NLRP2: variants seen among roughly 807,000 people sequenced by gnomAD.
NLRP2 encodes NACHT, LRR and PYD domains-containing protein 2.
In NLRP2, 107 loss-of-function variants were observed where a neutral mutation model predicts 97.2. The observed-to-expected ratio is 1.10, with a 90% CI of 0.94 to 1.29. NLRP2 has a LOEUF of 1.29. Among genes scored for constraint, NLRP2 ranks in the 50% most tolerant of loss-of-function variants. The probability of loss-of-function intolerance (pLI) is 0.00; values close to 1 mark genes in which losing one functional copy is unlikely to be tolerated. For missense variants in NLRP2, 1,495 were observed against 1,330.3 expected, an observed-to-expected ratio of 1.12 and a Z score of -1.93; for synonymous variants, 663 against 551.5, an observed-to-expected ratio of 1.20 and a Z score of -2.83.
At chr19:54,970,364 C>A (rs1191160507) in intron 2 of NLRP2, 69 bp downstream of exon 2, 1 of 1,586,830 alleles carries the variant, frequency 6.3e-7, no homozygotes, top group East Asian at 2.2e-5. Flanking sequence ...TTTAGAAATT[C>A]AGAAGGCCAG....
In NLRP2 at chr19:54,966,452, G is replaced by A. The variant is rs2070414187; in HGVS notation, c.-33G>A. The A allele has an allele frequency of 6.6e-6, 1 of 152,108 alleles. No homozygotes were observed. Among genetic ancestry groups the A allele is most frequent in the Admixed American group, 6.6e-5 (1 of 15,228 alleles). 9.4% of individuals were successfully genotyped at this position (152,108 alleles called of 1,614,324 possible). On this transcript the variant is annotated 5_prime_UTR_variant, in exon 1 of 13. Transcript: ENST00000448584. ...AGCCCTCATCTCCGCCGGCGAGTAG[G>A]GCCAGGTGTTGGGAGGTGAGTAGCT...
intron 3 of NLRP2, among the ~76,000 whole-genome samples, chr19:54,976,140 C>G (rs1371561952): frequency 6.6e-6 from 1 of 151,808 alleles, no homozygotes; most frequent in Non-Finnish European, 1.5e-5. Context: ...CCTCTGACCT[C>G]CGCCTCCCGG....
chr19:54,975,703 C>A (rs542625431), intron 3 of NLRP2, among the ~76,000 whole-genome samples: 1 of 152,134 alleles, frequency 6.6e-6, no homozygotes, highest in South Asian at 2.1e-4. Flanking sequence ...CCGCCCGCCT[C>A]GGCCTCCCAA....
At chr19:54,966,316 C>G (rs1478757940), upstream of NLRP2, 2 of 151,722 alleles carry the variant, frequency 1.3e-5, no homozygotes, top group Admixed American at 1.3e-4. Flanking sequence ...CCCAAAAGAC[C>G]TCTCAGTAAT....
At chr19:54,999,156 C>T (rs1378489711) in intron 12 of NLRP2, among the ~76,000 whole-genome samples, 1 of 152,224 alleles carries the variant, frequency 6.6e-6, no homozygotes. Flanking sequence ...ACCCCCCCAC[C>T]TCCCCGCCCG....
intron 8 of NLRP2, among the ~76,000 whole-genome samples, chr19:54,987,551 G>A (rs753413348): frequency 1.3e-5 from 2 of 152,134 alleles, no homozygotes; most frequent in African/African-American, 4.8e-5. Context: ...AGACCGGCCT[G>A]GTCAACATGG....
Position 55,000,780 on chromosome 19 carries a change from A to G in NLRP2, c.3071A>G (p.Asn1024Ser). ...RTLRLKIDDF[N>S]DELNKLLEEI... ...CCCAGGTTGAAAATCGATGACTTTA[A>G]TGATGAACTCAATAAGCTGCTGGAA... Residue 1024 changes from asparagine to serine, a missense_variant, in exon 13 of 13, where the codon AAT becomes AGT. By Grantham distance (46) the Asn-to-Ser change is conservative. Transcript: ENST00000448584. 7 of 1,613,714 alleles carry G rather than the reference A, an allele frequency of 4.3e-6. No individual in the cohort carries two copies. The highest frequency in any genetic ancestry group is 5.9e-6 in the Non-Finnish European group (7 of 1,179,694).
chr19:54,984,938 C>T, intron 6 of NLRP2, 109 bp from the exon 7 acceptor site: 5 of 1,018,354 alleles, frequency 4.9e-6, no homozygotes, highest in South Asian at 3.8e-5. Flanking sequence ...TTACATGGTC[C>T]AGCTTTCAAT....
chr19:54,994,337 G>T lies in NLRP2; in HGVS notation c.2777G>T (p.Ser926Ile), dbSNP rs1317008433. 2 of 1,614,176 alleles carry T rather than the reference G, an allele frequency of 1.2e-6. No homozygotes were observed. Among genetic ancestry groups the T allele is most frequent in the East Asian group, 2.2e-5 (1 of 44,880 alleles). ...ACAAAGCTTCTCCAAGAAAAATCAAGCCTGTTGTGTTTGGATCTGGGGCTG... is the reference window on the plus strand; with the variant it reads ...ACAAAGCTTCTCCAAGAAAAATCAATCCTGTTGTGTTTGGATCTGGGGCTG... ...DLTKLLQEKS[S>I]LLCLDLGLNH... The change falls in exon 11 of 13, where the codon AGC becomes ATC. Residue 926 changes from serine to isoleucine, a missense_variant. Transcript: ENST00000448584.
At chr19:54,981,510 C>CT in intron 4 of NLRP2, 107 bp from the exon 5 acceptor site, 5 of 248,184 alleles carry the variant, frequency 2.0e-5, no homozygotes, top group Non-Finnish European at 3.5e-5. Flanking sequence ...TGATCCCGTG[C>CT]CCCCCCTCCC....
At chr19:54,968,314 G>T (rs989405345) in intron 1 of NLRP2, among the ~76,000 whole-genome samples, 4 of 151,624 alleles carry the variant, frequency 2.6e-5, no homozygotes, top group African/African-American at 9.7e-5. Context: ...CCAAAGTGCG[G>T]GGATTGCAAG....
At chr19:54,987,800 T>C (rs2072196895) in intron 8 of NLRP2, among the ~76,000 whole-genome samples, 4 of 150,626 alleles carry the variant, frequency 2.7e-5, no homozygotes, top group African/African-American at 9.8e-5. Flanking sequence ...CCCAGCACTT[T>C]GGGAGGCCAA....
chr19:54,994,428 G>A lies in NLRP2; in HGVS notation c.2868G>A (p.Leu956=). The part of the protein sequence containing the change: ...CEALRKPLCN[L]RCLWLWGCSI... ...CTTTGAGGAAACCACTGTGCAACTTGAGATGTCTGTGGTGAGTTAACTTAT... is the reference window on the plus strand; with the variant it reads ...CTTTGAGGAAACCACTGTGCAACTTAAGATGTCTGTGGTGAGTTAACTTAT... The change falls in exon 11 of 13, where the codon TTG becomes TTA. Residue 956 remains leucine (L), a synonymous_variant. Coordinates refer to ENST00000448584, the MANE Select transcript of NLRP2 (RefSeq NM_017852.5). The A allele has an allele frequency of 6.2e-7, 1 of 1,612,866 alleles. No homozygotes were observed. The highest frequency in any genetic ancestry group is 8.5e-7 in the Non-Finnish European group (1 of 1,180,004).
Position 55,000,790 on chromosome 19 carries a change from CAAT to C in NLRP2, c.3084_3086del (p.Asn1028del), listed in dbSNP as rs780892679. ...AAATCGATGACTTTAATGATGAACT[CAAT>C]AAGCTGCTGGAAGAAATAGAAGAAA... On this transcript the variant is annotated inframe_deletion, in exon 13 of 13. Coordinates refer to ENST00000448584, the MANE Select transcript of NLRP2 (RefSeq NM_017852.5). 2 of 1,613,414 alleles carry C rather than the reference CAAT, an allele frequency of 1.2e-6. No individual in the cohort carries two copies. The highest frequency in any genetic ancestry group is 1.3e-5 in the African/African-American group (1 of 74,820).
At position 54,982,641 on chromosome 19, in the gene NLRP2, C is replaced by T. The variant is rs752904721; in HGVS notation, c.943C>T (p.Pro315Ser). 3.7e-6 allele frequency: 6 copies of T among 1,614,122 alleles called. No homozygotes were observed. The highest frequency in any genetic ancestry group is 5.1e-6 in the Non-Finnish European group (6 of 1,180,012). The change falls in exon 6 of 13, where the codon CCC becomes TCC. Residue 315 changes from proline (P) to serine (S), a missense_variant. Transcript: ENST00000448584. ...GGACTGGGAGAAGAAGAAGCCGGTGCCCGTCCTCCTGGGGAGTTTGCTGAA... is the reference window on the plus strand; with the variant it reads ...GGACTGGGAGAAGAAGAAGCCGGTGTCCGTCCTCCTGGGGAGTTTGCTGAA... ...CGDWEKKKPVPVLLGSLLNRV... is the reference protein window; with the variant it reads ...CGDWEKKKPVSVLLGSLLNRV...
At position 54,982,492 on chromosome 19, in the gene NLRP2, A is replaced by G; in HGVS notation, c.794A>G (p.Asp265Gly). The part of the protein sequence containing the change: ...PCSFAELVFR[D>G]WPELQDDIPH... ...AGTTTTGCAGAGCTGGTCTTCAGGG[A>G]CTGGCCTGAATTGCAGGATGACATT... Residue 265 changes from aspartate (D) to glycine (G), a missense_variant, in exon 6 of 13, where the codon GAC becomes GGC. Asp to Gly is a moderately conservative substitution (Grantham distance 94). Coordinates refer to ENST00000448584, the MANE Select transcript of NLRP2 (RefSeq NM_017852.5). 6.2e-7 allele frequency: 1 copy of G among 1,614,166 alleles called. No homozygotes were observed. Among genetic ancestry groups the G allele is most frequent in the Non-Finnish European group, 8.5e-7 (1 of 1,180,032 alleles).
intron 3 of NLRP2, among the ~76,000 whole-genome samples, chr19:54,975,106 G>GTTTTTTTTTTTTTTTTTTTTTTTT (rs558518586): frequency 1.0e-4 from 6 of 58,704 alleles, no homozygotes; most frequent in South Asian, 6.6e-4. Context: ...ACCCGGTTTT[G>GTTTTTTTTTTTTTTTTTTTTTTTT]TTTTTTTTTT....
Position 54,970,227 on chromosome 19 carries a change from C to G in NLRP2, c.212C>G (p.Ala71Gly), listed in dbSNP as rs1346046263. ...TGTGACAGCTACTGGGTGGAGATGG[C>G]GAGCCTCCAGGTCTTTGAAAAGATG... ...THCDSYWVEMASLQVFEKMHR... is the reference protein window; with the variant it reads ...THCDSYWVEMGSLQVFEKMHR... Residue 71 changes from alanine (A) to glycine (G), a missense_variant, in exon 2 of 13, where the codon GCG becomes GGG. Coordinates refer to ENST00000448584, the MANE Select transcript of NLRP2 (RefSeq NM_017852.5). 3 of 1,614,040 alleles carry G rather than the reference C, an allele frequency of 1.9e-6. No homozygotes were observed. The South Asian group carries it at 3.3e-5, about 18-fold the overall frequency.
At chr19:54,977,315 G>A (rs1472344160) in intron 3 of NLRP2, among the ~76,000 whole-genome samples, 4 of 151,968 alleles carry the variant, frequency 2.6e-5, no homozygotes, top group Non-Finnish European at 4.4e-5. Flanking sequence ...CAGCTACTCC[G>A]GAGGCCGAGG....
Sources: allele counts gnomAD v4.1 joint callset (sites outside exome capture counted in the v4.1 genomes callset), GRCh38; gene constraint gnomAD v4.1.1; transcripts MANE v1.5; gene names NCBI Gene and HGNC (gene_info 2026-07-23, HGNC 2026-07-21).